ZFPM2: variants seen among roughly 807,000 people sequenced by gnomAD.
The protein encoded by ZFPM2 is zinc finger protein, FOG family member 2.
Under a neutral mutation model 98.6 loss-of-function variants are expected in ZFPM2, and 20 were observed. The ratio of observed to expected loss-of-function variants is 0.20; its 90% CI spans 0.14 to 0.29. The LOEUF (loss-of-function observed/expected upper bound fraction) is 0.29, where lower values mean the gene tolerates loss of function less well. ZFPM2 is among the 10% of genes least tolerant of loss of function. The probability of loss-of-function intolerance (pLI) is 1.00; values close to 1 mark genes in which losing one functional copy is unlikely to be tolerated. For missense variants in ZFPM2, 1,310 were observed against 1,388.6 expected, an observed-to-expected ratio of 0.94 and a Z score of 0.90; for synonymous variants, 518 against 502.7, an observed-to-expected ratio of 1.03 and a Z score of -0.41.
intron 3 of ZFPM2, among the ~76,000 whole-genome samples, chr8:105,498,340 A>C (rs1001223634): frequency 6.6e-6 from 1 of 152,218 alleles, no homozygotes. Flanking sequence ...AAGAATTTTC[A>C]GTGGAATTTC....
intron 1 of ZFPM2, among the ~76,000 whole-genome samples, chr8:105,337,161 A>G (rs1812341919): frequency 6.6e-6 from 1 of 151,706 alleles, no homozygotes; most frequent in Non-Finnish European, 1.5e-5. Context: ...CATCATTATC[A>G]ACACGTTATG....
intron 3 of ZFPM2, among the ~76,000 whole-genome samples, chr8:105,482,440 G>C (rs1813139183): frequency 6.6e-6 from 1 of 151,998 alleles, no homozygotes; most frequent in Non-Finnish European, 1.5e-5. Flanking sequence ...CATTTATTGT[G>C]ATTACTGATC....
chr8:105,449,599 C>G (rs1297430716), intron 3 of ZFPM2, among the ~76,000 whole-genome samples: 3 of 151,924 alleles, frequency 2.0e-5, no homozygotes, highest in African/African-American at 7.2e-5. Context: ...GAGTATCCAT[C>G]AAAGGTAAAT....
At chr8:105,766,104 AAG>A (rs1431314586) in intron 5 of ZFPM2, among the ~76,000 whole-genome samples, 1 of 151,908 alleles carries the variant, frequency 6.6e-6, no homozygotes, top group African/African-American at 2.4e-5. Flanking sequence ...TTTTGAGTAA[AAG>A]AAGGGATTAA....
intron 5 of ZFPM2, among the ~76,000 whole-genome samples, chr8:105,771,628 G>C (rs189466234): frequency 1.3e-5 from 2 of 152,180 alleles, no homozygotes; most frequent in East Asian, 3.9e-4. Context: ...CATCACACGA[G>C]CAAAAATTTG....
intron 5 of ZFPM2, chr8:105,684,936 CA>C (rs1810697339): frequency 6.6e-6 from 1 of 152,048 alleles, no homozygotes. Flanking sequence ...CCTAAAACAA[CA>C]CAAGAATTCT....
At chr8:105,390,081 TA>T (rs1436230445) in intron 1 of ZFPM2, among the ~76,000 whole-genome samples, 1 of 152,194 alleles carries the variant, frequency 6.6e-6, no homozygotes, top group Non-Finnish European at 1.5e-5. Context: ...TCTGGTAGCC[TA>T]AAGTACTGTA....
At chr8:105,582,938 A>T (rs146749394) in intron 4 of ZFPM2, among the ~76,000 whole-genome samples, 1 of 152,304 alleles carries the variant, frequency 6.6e-6, no homozygotes, top group East Asian at 1.9e-4. Flanking sequence ...CAGGAAGAGC[A>T]AATACTGTGA....
chr8:105,640,528 A>G (rs941477592), intron 5 of ZFPM2, among the ~76,000 whole-genome samples: 1 of 152,068 alleles, frequency 6.6e-6, no homozygotes, highest in African/African-American at 2.4e-5. Flanking sequence ...TAATTTAACC[A>G]TTTTTGAATG....
chr8:105,745,983 G>C (rs1395917015), intron 5 of ZFPM2, among the ~76,000 whole-genome samples: 1 of 151,908 alleles, frequency 6.6e-6, no homozygotes, highest in Admixed American at 6.6e-5. Flanking sequence ...TGTTGCCAAG[G>C]CTGGTCTCAA....
chr8:105,517,624 AG>A (rs1238772977), intron 3 of ZFPM2, among the ~76,000 whole-genome samples: 1 of 150,864 alleles, frequency 6.6e-6, no homozygotes, highest in Non-Finnish European at 1.5e-5. Context: ...CCACGGTAGG[AG>A]GATCACTTCA....
At chr8:105,489,466 A>ATATATATATATATATATATATATT (rs1554610604) in intron 3 of ZFPM2, among the ~76,000 whole-genome samples, 16 of 119,764 alleles carry the variant, frequency 1.3e-4, no homozygotes, top group African/African-American at 5.8e-4. Context: ...ATATATATAT[A>ATATATATATATATATATATATATT]TTTTTTTTTT....
chr8:105,453,325 G>A (rs986110763), intron 3 of ZFPM2, among the ~76,000 whole-genome samples: 3 of 152,182 alleles, frequency 2.0e-5, no homozygotes, highest in Non-Finnish European at 2.9e-5. Context: ...TATTGCATAT[G>A]TGATATCTGT....
At chr8:105,554,174 C>G (rs1032679153) in intron 3 of ZFPM2, among the ~76,000 whole-genome samples, 1 of 152,126 alleles carries the variant, frequency 6.6e-6, no homozygotes, top group African/African-American at 2.4e-5. Flanking sequence ...TTTCCTGAGC[C>G]AAACCATGCT....
intron 1 of ZFPM2, among the ~76,000 whole-genome samples, chr8:105,410,076 T>C (rs1038049571): frequency 1.6e-4 from 25 of 151,958 alleles, no homozygotes; most frequent in African/African-American, 6.0e-4. Flanking sequence ...TATTCTAAAA[T>C]GGAGGATTAT....
intron 1 of ZFPM2, among the ~76,000 whole-genome samples, chr8:105,413,004 A>G (rs1200248870): frequency 5.9e-5 from 9 of 152,066 alleles, no homozygotes; most frequent in African/African-American, 2.2e-4. Context: ...TTCCTACTGC[A>G]TAATTAAGAG....
intron 5 of ZFPM2, among the ~76,000 whole-genome samples, chr8:105,698,198 G>T (rs896540479): frequency 2.0e-5 from 3 of 152,090 alleles, no homozygotes; most frequent in African/African-American, 7.2e-5. Flanking sequence ...TTAATCATGA[G>T]CCAGGATATA....
At chr8:105,383,084 A>T (rs1810919000) in intron 1 of ZFPM2, among the ~76,000 whole-genome samples, 1 of 152,160 alleles carries the variant, frequency 6.6e-6, no homozygotes, top group Non-Finnish European at 1.5e-5. Context: ...TAGTCAGGAA[A>T]AATATCATGC....
chr8:105,546,469 T>G (rs1442490041), intron 3 of ZFPM2, among the ~76,000 whole-genome samples: 2 of 150,218 alleles, frequency 1.3e-5, no homozygotes, highest in East Asian at 2.0e-4. Flanking sequence ...CTCAGGAGGC[T>G]GAGGCAGGAG....
Sources: gnomAD v4.1 joint callset for allele counts (sites outside exome capture counted in the v4.1 genomes callset) on GRCh38, gnomAD v4.1.1 for gene constraint, MANE v1.5 for transcripts, NCBI Gene and HGNC (gene_info 2026-07-23, HGNC 2026-07-21) for gene names.